The following PRKG1 variants were observed in gnomAD, a reference collection of about 807,000 sequenced individuals.
PRKG1 encodes protein kinase cGMP-dependent 1, also known as cGMP-dependent protein kinase 1.
A neutral mutation model predicts 88.1 loss-of-function variants in PRKG1; 35 were observed. That is an observed-to-expected ratio of 0.40 (90% CI 0.30 to 0.53). The LOEUF is 0.53. Among genes scored for constraint, PRKG1 ranks in the 20% least tolerant of loss-of-function variants. The pLI is 0.59. For synonymous variants in PRKG1, 303 were observed against 292.5 expected (o/e 1.04, Z -0.37); for missense variants, 540 against 839.8 (o/e 0.64, Z 4.41).
intron 3 of PRKG1, among the ~76,000 whole-genome samples, chr10:51,589,633 C>CA (rs899888504): frequency 3.3e-5 from 5 of 151,182 alleles, no homozygotes; most frequent in Admixed American, 6.6e-5. Context: ...AAAAATGAAA[C>CA]AAAAAAAAGA....
intron 7 of PRKG1, among the ~76,000 whole-genome samples, chr10:52,091,214 C>T (rs1490384594): frequency 1.3e-5 from 2 of 152,124 alleles, no homozygotes; most frequent in African/African-American, 4.8e-5. Flanking sequence ...AATTGAGGCC[C>T]CCCTTTTCTT....
At chr10:51,799,249 C>T (rs147899215) in intron 3 of PRKG1, among the ~76,000 whole-genome samples, 241 of 151,610 alleles carry the variant, frequency 1.6e-3, no homozygotes, top group Non-Finnish European at 2.8e-3. Context: ...CCTTCCGTGC[C>T]CCCCTCTTCA....
chr10:52,076,053 A>C (rs1462356988), intron 7 of PRKG1, among the ~76,000 whole-genome samples: 2 of 152,224 alleles, frequency 1.3e-5, no homozygotes, highest in East Asian at 3.9e-4. Flanking sequence ...GAAAGGTCAG[A>C]TTTTCCACAA....
At chr10:52,003,419 A>T (rs1322101160) in intron 5 of PRKG1, among the ~76,000 whole-genome samples, 48 of 152,184 alleles carry the variant, frequency 3.2e-4, no homozygotes, top group Non-Finnish European at 1.5e-5. Context: ...GGTAAAATAG[A>T]AGTAGGATTA....
chr10:52,202,366 G>T (rs1391184558), intron 9 of PRKG1, among the ~76,000 whole-genome samples: 3 of 152,036 alleles, frequency 2.0e-5, no homozygotes, highest in Non-Finnish European at 2.9e-5. Context: ...TGTATATACT[G>T]AACTATCCTT....
intron 2 of PRKG1, among the ~76,000 whole-genome samples, chr10:51,198,180 C>CT (rs1837820439): frequency 6.6e-6 from 1 of 152,074 alleles, no homozygotes; most frequent in Non-Finnish European, 1.5e-5. Flanking sequence ...GGTATTAGAT[C>CT]TTATTTATAT....
intron 1 of PRKG1, among the ~76,000 whole-genome samples, chr10:50,993,836 G>T (rs776492456): frequency 2.6e-5 from 4 of 152,152 alleles, no homozygotes; most frequent in Admixed American, 6.5e-5. Flanking sequence ...TGTTGTTGTT[G>T]TTGTTTGTAT....
chr10:52,089,804 CTTTT>C (rs397846439), intron 7 of PRKG1, among the ~76,000 whole-genome samples: 46 of 67,730 alleles, frequency 6.8e-4, no homozygotes, highest in African/African-American at 2.7e-3. Context: ...TTCTTTCCTT[CTTTT>C]TTTTTTTTTT....
chr10:52,293,330 T>C (rs544406920), intron 17 of PRKG1, among the ~76,000 whole-genome samples: 3 of 151,506 alleles, frequency 2.0e-5, no homozygotes, highest in Non-Finnish European at 4.4e-5. Context: ...AAAATGGCCA[T>C]ACTGCCCAAG....
chr10:51,853,382 G>A (rs1564675897), intron 4 of PRKG1, among the ~76,000 whole-genome samples: 1 of 152,104 alleles, frequency 6.6e-6, no homozygotes, highest in African/African-American at 2.4e-5. Context: ...TTTGGCATCT[G>A]CTATGTGTGG....
chr10:51,529,415 A>G (rs1284037157), intron 3 of PRKG1, among the ~76,000 whole-genome samples: 1 of 152,174 alleles, frequency 6.6e-6, no homozygotes, highest in African/African-American at 2.4e-5. Context: ...TCAGGCTCAT[A>G]TGGAAATACA....
chr10:51,905,727 A>C (rs985951091), intron 4 of PRKG1, among the ~76,000 whole-genome samples: 12 of 152,176 alleles, frequency 7.9e-5, no homozygotes, highest in Non-Finnish European at 1.6e-4. Context: ...GGATGAAAAG[A>C]AGGGAACTAA....
chr10:52,011,109 A>C lies in PRKG1; in HGVS notation c.763-43375A>C, dbSNP rs138944746. 4.1e-4 allele frequency among the ~76,000 whole-genome samples: 63 copies of C among 152,334 alleles called. 1 individual carries two copies. Among genetic ancestry groups the C allele is most frequent in the South Asian group, 1.2e-3 (6 of 4,830 alleles). On this transcript the variant is annotated intron_variant, in intron 5 of 17. Transcript: ENST00000373980. ...AGTACCCAGAGCAGAATGTGGTGTG[A>C]TTAGCTTATGTTTATTAATTGTTGG...
intron 7 of PRKG1, among the ~76,000 whole-genome samples, chr10:52,077,890 G>C (rs757771662): frequency 6.6e-6 from 1 of 152,096 alleles, no homozygotes; most frequent in Non-Finnish European, 1.5e-5. Flanking sequence ...AACAAGTCAA[G>C]TAATGGATAA....
At chr10:51,097,287 A>G (rs767175202) in intron 1 of PRKG1, among the ~76,000 whole-genome samples, 38 of 152,126 alleles carry the variant, frequency 2.5e-4, no homozygotes, top group Non-Finnish European at 1.0e-4. Flanking sequence ...CAGTAGCATG[A>G]TCTCAGCTCA....
chr10:51,764,424 G>A (rs1285924885), intron 3 of PRKG1, among the ~76,000 whole-genome samples: 4 of 152,138 alleles, frequency 2.6e-5, no homozygotes, highest in Non-Finnish European at 5.9e-5. Context: ...GTATAATTAA[G>A]TTGCTGATGC....
intron 3 of PRKG1, among the ~76,000 whole-genome samples, chr10:51,613,986 T>C (rs1341984718): frequency 6.6e-6 from 1 of 152,042 alleles, no homozygotes; most frequent in African/African-American, 2.4e-5. Flanking sequence ...TAAAATGTTC[T>C]GTAGTTGTCT....
chr10:51,269,564 G>A (rs1839924274), intron 2 of PRKG1, among the ~76,000 whole-genome samples: 1 of 152,194 alleles, frequency 6.6e-6, no homozygotes, highest in Admixed American at 6.5e-5. Flanking sequence ...GGCATTTGCA[G>A]CAACTTGGAT....
intron 1 of PRKG1, among the ~76,000 whole-genome samples, chr10:51,095,436 T>C (rs566520590): frequency 6.6e-6 from 1 of 152,294 alleles, no homozygotes; most frequent in Admixed American, 6.5e-5. Context: ...CTTTATTTAC[T>C]TGGGCACAGC....
Sources: allele counts gnomAD v4.1 joint callset (sites outside exome capture counted in the v4.1 genomes callset), GRCh38; gene constraint gnomAD v4.1.1; transcripts MANE v1.5; gene names NCBI Gene and HGNC (gene_info 2026-07-23, HGNC 2026-07-21).